PLS1: variants seen among roughly 807,000 people sequenced by gnomAD.
PLS1 encodes plastin 1.
A neutral mutation model predicts 73.7 loss-of-function variants in PLS1; 32 were observed. That is an observed-to-expected ratio of 0.43 (90% confidence interval 0.33 to 0.58). The LOEUF is 0.58. Among genes scored for constraint, PLS1 ranks in the 20% least tolerant of loss-of-function variants. The pLI is 0.04. For synonymous variants in PLS1, 217 were observed against 261.3 expected, an observed-to-expected ratio of 0.83 and a Z score of 1.63; for missense variants, 633 against 740.5, an observed-to-expected ratio of 0.85 and a Z score of 1.68.
chr3:142,673,771 T>TGAC (rs2037661122), intron 4 of PLS1: 1 of 152,200 alleles, frequency 6.6e-6, no homozygotes, highest in Non-Finnish European at 1.5e-5. Context: ...AGAAGAGGAC[T>TGAC]GGTCTTTGGT....
At chr3:142,656,162 A>G (rs1317773484) in intron 1 of PLS1, among the ~76,000 whole-genome samples, 2 of 152,166 alleles carry the variant, frequency 1.3e-5, no homozygotes, top group Admixed American at 1.3e-4. Context: ...GGATTTCACC[A>G]TGTTGGCCAG....
intron 1 of PLS1, among the ~76,000 whole-genome samples, chr3:142,641,281 ATC>A (rs2036833588): frequency 6.8e-6 from 1 of 146,030 alleles, no homozygotes; most frequent in African/African-American, 2.5e-5. Flanking sequence ...TTATCTATAT[ATC>A]TATATTATAT....
intron 9 of PLS1, among the ~76,000 whole-genome samples, chr3:142,688,280 A>T (rs2038015111): frequency 6.6e-6 from 1 of 152,162 alleles, no homozygotes; most frequent in Admixed American, 6.5e-5. Flanking sequence ...CTACAATGGT[A>T]ACTTTTCTTT....
intron 10 of PLS1, among the ~76,000 whole-genome samples, chr3:142,692,865 T>C (rs752050560): frequency 6.6e-6 from 1 of 151,990 alleles, no homozygotes; most frequent in Admixed American, 6.6e-5. Flanking sequence ...TTATGATAGA[T>C]AGAGAAACAA....
intron 12 of PLS1, 80 bp downstream of exon 12, chr3:142,698,147 G>A (rs926509332): frequency 2.1e-5 from 17 of 813,958 alleles, no homozygotes; most frequent in East Asian, 7.8e-5. Context: ...GAAGTTATAC[G>A]TGCTCTGTCC....
intron 2 of PLS1, 102 bp downstream of exon 2, chr3:142,664,409 C>T: frequency 1.8e-6 from 1 of 562,516 alleles, no homozygotes; most frequent in Non-Finnish European, 3.2e-6. Context: ...ACCCAATTAC[C>T]TCCAGATTTA....
intron 1 of PLS1, among the ~76,000 whole-genome samples, chr3:142,646,521 C>G (rs1011812294): frequency 2.0e-4 from 30 of 152,332 alleles, no homozygotes; most frequent in African/African-American, 6.7e-4. Flanking sequence ...TTCTCCATAG[C>G]TTTAGGTCTT....
At chr3:142,708,060 G>A (rs1305406338) in intron 14 of PLS1, among the ~76,000 whole-genome samples, 1 of 152,012 alleles carries the variant, frequency 6.6e-6, no homozygotes, top group African/African-American at 2.4e-5. Context: ...GACTACATAA[G>A]TTAACAAAAT....
intron 1 of PLS1, among the ~76,000 whole-genome samples, chr3:142,611,236 A>G (rs1157505418): frequency 6.6e-6 from 1 of 152,354 alleles, no homozygotes; most frequent in East Asian, 1.9e-4. Context: ...AGTGGACCAG[A>G]TTTGGCCTTC....
At chr3:142,686,559 A>G (rs1194303265) in intron 9 of PLS1, among the ~76,000 whole-genome samples, 183 bp downstream of exon 9, 1 of 152,144 alleles carries the variant, frequency 6.6e-6, no homozygotes, top group African/African-American at 2.4e-5. Flanking sequence ...TGTACTCATT[A>G]AACAATAACT....
At chr3:142,710,927 A>G (rs1201263320) in intron 14 of PLS1, among the ~76,000 whole-genome samples, 1 of 152,182 alleles carries the variant, frequency 6.6e-6, no homozygotes, top group Non-Finnish European at 1.5e-5. Flanking sequence ...TTCTGTATTT[A>G]CTGGTTGTGT....
chr3:142,657,818 A>G (rs2037275213), intron 1 of PLS1, among the ~76,000 whole-genome samples: 1 of 152,222 alleles, frequency 6.6e-6, no homozygotes, highest in East Asian at 1.9e-4. Context: ...AGGAAAAAGA[A>G]TAAACACAAT....
chr3:142,702,897 T>G (rs934896962), intron 12 of PLS1, among the ~76,000 whole-genome samples: 3 of 152,116 alleles, frequency 2.0e-5, no homozygotes, highest in African/African-American at 7.2e-5. Flanking sequence ...CACGTAAAAA[T>G]TTTTGTCCTT....
rs749044803 is a variant in PLS1 at position 142,684,218 on chromosome 3, T to C, written c.746-35T>C. On this transcript the variant is annotated intron_variant, in intron 7 of 15. Transcript: ENST00000457734. ...GCTGTTCATTGACATGTACTTGCTA[T>C]GGGAAGAATTTACATTTCGCTGTTT... 29 of 1,613,906 alleles carry C rather than the reference T, an allele frequency of 1.8e-5. 1 individual carries two copies. In the South Asian group the frequency reaches 3.0e-4, roughly 16 times the overall value.
intron 1 of PLS1, among the ~76,000 whole-genome samples, chr3:142,660,158 A>C (rs968002089): frequency 2.6e-4 from 39 of 152,318 alleles, no homozygotes; most frequent in African/African-American, 9.4e-4. Context: ...TTTCAGGAAA[A>C]AAAAGGCAAT....
In PLS1 at chr3:142,684,670, T is replaced by TA. The variant is rs535154585; in HGVS notation, c.888+276dup. 1.7e-4 allele frequency among the ~76,000 whole-genome samples: 26 copies of TA among 152,356 alleles called. No homozygotes were observed. In the East Asian group the frequency reaches 5.0e-3, roughly 29 times the overall value. ...GATTAAAACACACTTTCTCATTTTT[T>TA]ATGCCTGAGATCTGCTAGATTATAA... On this transcript the variant is annotated intron_variant, in intron 8 of 15. Coordinates refer to ENST00000457734, the MANE Select transcript of PLS1 (RefSeq NM_001145319.2).
intron 1 of PLS1, among the ~76,000 whole-genome samples, chr3:142,648,470 G>A (rs1043640091): frequency 1.3e-5 from 2 of 152,138 alleles, no homozygotes; most frequent in Admixed American, 1.3e-4. Flanking sequence ...ATTCAGTTGC[G>A]GGAGGCATCA....
intron 1 of PLS1, among the ~76,000 whole-genome samples, chr3:142,607,962 T>A (rs990021556): frequency 1.3e-5 from 2 of 152,130 alleles, no homozygotes; most frequent in African/African-American, 4.8e-5. Context: ...ATCAGCAGAA[T>A]GTGGTTGGTG....
chr3:142,637,672 G>A (rs2036723891), intron 1 of PLS1, among the ~76,000 whole-genome samples: 1 of 152,086 alleles, frequency 6.6e-6, no homozygotes, highest in African/African-American at 2.4e-5. Context: ...GAAAAAGCCT[G>A]TGAAAAGCCT....
Sources: allele counts gnomAD v4.1 joint callset (sites outside exome capture counted in the v4.1 genomes callset), GRCh38; gene constraint gnomAD v4.1.1; transcripts MANE v1.5; gene names NCBI Gene and HGNC (gene_info 2026-07-23, HGNC 2026-07-21).